The following DPP10 variants were observed in gnomAD, a reference collection of about 807,000 sequenced individuals.
DPP10 encodes the protein dipeptidyl peptidase like 10.
A neutral mutation model predicts 120.9 loss-of-function variants in DPP10; 33 were observed. The observed-to-expected ratio is 0.27, with a 90% CI of 0.21 to 0.37. The LOEUF is 0.37. Among genes scored for constraint, DPP10 ranks in the 10% least tolerant of loss-of-function variants. The probability of loss-of-function intolerance (pLI) is 1.00; values close to 1 mark genes in which losing one functional copy is unlikely to be tolerated. For missense variants in DPP10, 816 were observed against 942.8 expected, an observed-to-expected ratio of 0.87 and a Z score of 1.76; for synonymous variants, 337 against 326.1, an observed-to-expected ratio of 1.03 and a Z score of -0.36.
chr2:115,405,106 A>G (rs1043393559), intron 3 of DPP10, among the ~76,000 whole-genome samples: 2 of 152,206 alleles, frequency 1.3e-5, no homozygotes, highest in Non-Finnish European at 2.9e-5. Context: ...TCTAAAGTCC[A>G]AAGCTTCATC....
chr2:114,771,475 C>T (rs767085591), intron 1 of DPP10, among the ~76,000 whole-genome samples: 3 of 152,186 alleles, frequency 2.0e-5, no homozygotes, highest in Non-Finnish European at 4.4e-5. Context: ...GGAGTCCATC[C>T]TTGTAAGAAT....
chr2:114,742,050 T>G (rs775198598), intron 1 of DPP10, among the ~76,000 whole-genome samples: 3 of 152,200 alleles, frequency 2.0e-5, no homozygotes, highest in Non-Finnish European at 4.4e-5. Flanking sequence ...CTTTCATAAG[T>G]GCAGATGTAC....
chr2:115,004,834 A>G (rs1277999423), intron 1 of DPP10, among the ~76,000 whole-genome samples: 1 of 152,206 alleles, frequency 6.6e-6, no homozygotes, highest in African/African-American at 2.4e-5. Context: ...TAAACAAAGC[A>G]GCCGGGAAGC....
intron 1 of DPP10, among the ~76,000 whole-genome samples, chr2:115,208,197 T>A (rs1018737005): frequency 7.2e-6 from 1 of 139,018 alleles, no homozygotes; most frequent in Non-Finnish European, 1.5e-5. Context: ...TTCTCTTTTT[T>A]TTTTTTTCTT....
chr2:115,493,771 A>C (rs1427287695), intron 3 of DPP10, among the ~76,000 whole-genome samples: 1 of 152,092 alleles, frequency 6.6e-6, no homozygotes, highest in African/African-American at 2.4e-5. Flanking sequence ...TGATGCTGGA[A>C]GTCTGAAATT....
At chr2:114,961,886 A>C (rs1013930787) in intron 1 of DPP10, among the ~76,000 whole-genome samples, 1 of 152,072 alleles carries the variant, frequency 6.6e-6, no homozygotes, top group African/African-American at 2.4e-5. Flanking sequence ...CCCGGGAAGC[A>C]AAGGTTGCCG....
At position 114,616,187 on chromosome 2, in the gene DPP10, A is replaced by G. The variant is rs190237109; in HGVS notation, c.60+173349A>G. On this transcript the variant is annotated intron_variant, in intron 1 of 25. Transcript: ENST00000410059. ...GTAACTCTTTCTTCCCCATTGTGAAAGAATTACACATGAATTGTCTTTACC... is the reference window on the plus strand; with the variant it reads ...GTAACTCTTTCTTCCCCATTGTGAAGGAATTACACATGAATTGTCTTTACC... 8.5e-5 allele frequency among the ~76,000 whole-genome samples: 13 copies of G among 152,272 alleles called. No homozygotes were observed. In the East Asian group the frequency reaches 1.7e-3, roughly 20 times the overall value.
At chr2:114,555,415 A>C (rs1688209214) in intron 1 of DPP10, among the ~76,000 whole-genome samples, 1 of 152,226 alleles carries the variant, frequency 6.6e-6, no homozygotes, top group Admixed American at 6.5e-5. Context: ...AAAAATAGGC[A>C]CATAAAGAAA....
chr2:115,552,341 A>G (rs891009797), intron 5 of DPP10, among the ~76,000 whole-genome samples: 1 of 152,134 alleles, frequency 6.6e-6, no homozygotes, highest in Admixed American at 6.6e-5. Context: ...CAAAGGACAA[A>G]GTCTGTCACA....
intron 7 of DPP10, among the ~76,000 whole-genome samples, chr2:115,716,416 T>C (rs916108438): frequency 6.6e-6 from 1 of 152,156 alleles, no homozygotes; most frequent in Non-Finnish European, 1.5e-5. Flanking sequence ...AACAGACAGA[T>C]TAACTGAAGT....
chr2:114,755,773 T>C (rs1458448349), intron 1 of DPP10, among the ~76,000 whole-genome samples: 1 of 152,188 alleles, frequency 6.6e-6, no homozygotes, highest in Admixed American at 6.5e-5. Flanking sequence ...CTCTGAAAGA[T>C]AAATGTGCTA....
At chr2:114,858,994 C>T (rs1689589973) in intron 1 of DPP10, among the ~76,000 whole-genome samples, 1 of 151,994 alleles carries the variant, frequency 6.6e-6, no homozygotes, top group Admixed American at 6.6e-5. Flanking sequence ...CATCTGAAGA[C>T]TTACCTGTGT....
chr2:115,700,171 T>C (rs2091822806), intron 7 of DPP10, among the ~76,000 whole-genome samples: 1 of 152,106 alleles, frequency 6.6e-6, no homozygotes, highest in Non-Finnish European at 1.5e-5. Context: ...AAAGTGATGG[T>C]ACTAAACCAT....
intron 1 of DPP10, among the ~76,000 whole-genome samples, chr2:115,029,338 G>C (rs1339279981): frequency 3.3e-5 from 5 of 151,878 alleles, no homozygotes; most frequent in Admixed American, 2.6e-4. Flanking sequence ...CTTCATAGTA[G>C]AGTTACAAGT....
At chr2:115,296,814 C>T (rs1386483636) in intron 1 of DPP10, among the ~76,000 whole-genome samples, 2 of 152,026 alleles carry the variant, frequency 1.3e-5, no homozygotes, top group African/African-American at 4.8e-5. Flanking sequence ...TACCTACTTT[C>T]CTTCCTTTCT....
rs191754848 is a variant in DPP10 at position 115,720,647 on chromosome 2, A to G, written c.577-7169A>G. 1.5e-3 allele frequency among the ~76,000 whole-genome samples: 222 copies of G among 152,234 alleles called. 3 individuals carry two copies. The highest frequency in any genetic ancestry group is 2.6e-4 in the Non-Finnish European group (18 of 68,024). ...ATTGAAATAAAATATAGCATGTTGGAGGTTTCTATGTGAAATAGAAACCTA... is the reference window on the plus strand; with the variant it reads ...ATTGAAATAAAATATAGCATGTTGGGGGTTTCTATGTGAAATAGAAACCTA... On this transcript the variant is annotated intron_variant, in intron 7 of 25. Coordinates refer to ENST00000410059, the MANE Select transcript of DPP10 (RefSeq NM_020868.6).
chr2:114,945,205 C>T (rs765278282), intron 1 of DPP10, among the ~76,000 whole-genome samples: 1 of 152,108 alleles, frequency 6.6e-6, no homozygotes, highest in Non-Finnish European at 1.5e-5. Flanking sequence ...AGATACAATA[C>T]TAAAAGCATA....
At chr2:115,451,266 C>T (rs2073084197) in intron 3 of DPP10, among the ~76,000 whole-genome samples, 1 of 151,852 alleles carries the variant, frequency 6.6e-6, no homozygotes, top group Non-Finnish European at 1.5e-5. Context: ...ATAATTAGAA[C>T]TAGATGTGAA....
chr2:115,158,366 G>A (rs2052059356), intron 1 of DPP10, among the ~76,000 whole-genome samples: 1 of 152,160 alleles, frequency 6.6e-6, no homozygotes, highest in South Asian at 2.1e-4. Flanking sequence ...GGGTAAAACA[G>A]CAAGAGAAAG....
Sources: allele counts gnomAD v4.1 joint callset (sites outside exome capture counted in the v4.1 genomes callset), GRCh38; gene constraint gnomAD v4.1.1; transcripts MANE v1.5; gene names NCBI Gene and HGNC (gene_info 2026-07-23, HGNC 2026-07-21).